Variants in APBB2 observed in about 807,000 individuals in gnomAD.
APBB2 encodes Fe65-like 1.
APBB2 carries 38 observed loss-of-function variants against 82.5 expected under a neutral mutation model. That is an observed-to-expected ratio of 0.46 (90% confidence interval 0.36 to 0.60). The LOEUF (loss-of-function observed/expected upper bound fraction) is 0.60, where lower values mean the gene tolerates loss of function less well. Among genes scored for constraint, APBB2 ranks in the 20% least tolerant of loss-of-function variants. The pLI is 0.00. For synonymous variants in APBB2, 341 were observed against 368.2 expected (o/e 0.93, Z 0.85); for missense variants, 772 against 972.3 (o/e 0.79, Z 2.74).
intron 3 of APBB2, among the ~76,000 whole-genome samples, chr4:41,067,411 C>CAA (rs1170369678): frequency 1.1e-4 from 12 of 107,964 alleles, no homozygotes; most frequent in Non-Finnish European, 1.3e-4. Flanking sequence ...AACTCCGTCT[C>CAA]AAAAAAAAAA....
intron 6 of APBB2, among the ~76,000 whole-genome samples, chr4:40,975,789 C>CACACACAG (rs1441223479): frequency 6.8e-6 from 1 of 147,710 alleles, no homozygotes; most frequent in Non-Finnish European, 1.5e-5. Flanking sequence ...CACACACACA[C>CACACACAG]AACAACCACT....
chr4:40,892,969 T>A (rs1772476618), intron 11 of APBB2: 3 of 257,988 alleles, frequency 1.2e-5, no homozygotes, highest in African/African-American at 6.6e-5. Context: ...CACTGGCACA[T>A]CCCATTTTGC....
intron 1 of APBB2, among the ~76,000 whole-genome samples, chr4:41,174,615 G>A (rs979931272): frequency 6.6e-6 from 1 of 152,158 alleles, no homozygotes; most frequent in Non-Finnish European, 1.5e-5. Flanking sequence ...AACATACAGA[G>A]CCATTAGACA....
intron 12 of APBB2, among the ~76,000 whole-genome samples, chr4:40,858,083 G>T (rs1290050132): frequency 2.6e-5 from 4 of 151,822 alleles, no homozygotes; most frequent in Non-Finnish European, 5.9e-5. Flanking sequence ...GATCCCACAG[G>T]CACCCCAACA....
chr4:41,152,487 C>T (rs913502934), intron 1 of APBB2, among the ~76,000 whole-genome samples: 11 of 151,918 alleles, frequency 7.2e-5, no homozygotes, highest in Non-Finnish European at 1.0e-4. Flanking sequence ...CAACCATGTC[C>T]GGCTAATTTT....
chr4:40,810,178 T>TTTAC lies in APBB2; in HGVS notation c.*5910_*5913dup. 6.6e-6 allele frequency: 1 copy of TTTAC among 152,366 alleles called. No homozygotes were observed. Among genetic ancestry groups the TTTAC allele is most frequent in the Admixed American group, 6.5e-5 (1 of 15,312 alleles). 9.4% of individuals were successfully genotyped at this position (152,366 alleles called of 1,614,324 possible). On this transcript the variant is annotated 3_prime_UTR_variant, in exon 18 of 18. Coordinates refer to ENST00000508593, the MANE Select transcript of APBB2 (RefSeq NM_004307.2). ...TCTACTTCAGCTCTGATATTCTATT[T>TTTAC]TTACTTTCTTACTTGAAGTGAGAAA...
chr4:41,018,503 C>T (rs1344497805), intron 5 of APBB2, among the ~76,000 whole-genome samples: 1 of 152,126 alleles, frequency 6.6e-6, no homozygotes, highest in Non-Finnish European at 1.5e-5. Context: ...GGCAGGGGTT[C>T]TTCTGAAGCA....
At chr4:40,990,624 C>T (rs943577800) in intron 6 of APBB2, among the ~76,000 whole-genome samples, 2 of 152,150 alleles carry the variant, frequency 1.3e-5, no homozygotes, top group African/African-American at 4.8e-5. Context: ...TTGTGGCAAG[C>T]TCATGGGGGA....
chr4:40,827,223 AG>A lies in APBB2; in HGVS notation c.1645-5del. 1.2e-6 allele frequency: 2 copies of A among 1,614,008 alleles called. No homozygotes were observed. Among genetic ancestry groups the A allele is most frequent in the Non-Finnish European group, 1.7e-6 (2 of 1,179,894 alleles). On this transcript the variant is annotated splice_region_variant and splice_polypyrimidine_tract_variant and intron_variant, in intron 13 of 17. Transcript: ENST00000508593. ...CATTCTTCCGTTCAGCCATAATCTA[AG>A]GGGGAAAAAGTGCAGCTTTGGAGCG...
intron 1 of APBB2, among the ~76,000 whole-genome samples, chr4:41,170,636 A>T (rs1767991029): frequency 6.6e-6 from 1 of 152,310 alleles, no homozygotes; most frequent in Middle Eastern, 3.4e-3. Context: ...GAAACAACCA[A>T]ATGCAACATC....
At chr4:41,080,466 G>C (rs10516997) in intron 3 of APBB2, among the ~76,000 whole-genome samples, 31,561 of 152,150 alleles carry the variant, frequency 0.21, 3,508 homozygotes, top group Middle Eastern at 0.25. Flanking sequence ...ACTGAGGACG[G>C]CTTTCATGAC....
At chr4:40,970,470 T>C (rs1560415823) in intron 6 of APBB2, among the ~76,000 whole-genome samples, 1 of 150,950 alleles carries the variant, frequency 6.6e-6, no homozygotes, top group African/African-American at 2.4e-5. Flanking sequence ...CCACTCCTCC[T>C]TTTTTTTTGA....
At chr4:40,934,398 A>C in intron 10 of APBB2, 58 bp downstream of exon 10, 1 of 1,526,652 alleles carries the variant, frequency 6.6e-7, no homozygotes, top group Non-Finnish European at 9.1e-7. Flanking sequence ...CAATGATCCA[A>C]AGTCATTATT....
intron 6 of APBB2, among the ~76,000 whole-genome samples, chr4:40,982,257 A>AGAAG (rs1463646563): frequency 6.2e-4 from 12 of 19,414 alleles, no homozygotes; most frequent in South Asian, 1.9e-3. Flanking sequence ...AAAGAAAGAA[A>AGAAG]GAAAGAAAGA....
chr4:40,983,600 C>A (rs187447898), intron 6 of APBB2, among the ~76,000 whole-genome samples: 5 of 150,102 alleles, frequency 3.3e-5, no homozygotes, highest in Non-Finnish European at 4.4e-5. Flanking sequence ...TTTTTAAAGA[C>A]GGAGTCTCAC....
intron 4 of APBB2, among the ~76,000 whole-genome samples, chr4:41,036,515 T>C (rs1719240231): frequency 6.6e-6 from 1 of 152,138 alleles, no homozygotes; most frequent in African/African-American, 2.4e-5. Context: ...CTTTAGTGAG[T>C]AAAAACACAT....
At chr4:41,169,009 A>AC (rs756966902) in intron 1 of APBB2, among the ~76,000 whole-genome samples, 49 of 151,982 alleles carry the variant, frequency 3.2e-4, no homozygotes, top group African/African-American at 1.0e-3. Flanking sequence ...AGGTAGTGAG[A>AC]CCCCGTCTCT....
chr4:41,123,696 G>A (rs894547042), intron 2 of APBB2, among the ~76,000 whole-genome samples: 1 of 152,060 alleles, frequency 6.6e-6, no homozygotes, highest in Non-Finnish European at 1.5e-5. Flanking sequence ...GGTGGCATGC[G>A]CCTGCAGTAC....
At chr4:41,101,219 C>T (rs971700891) in intron 2 of APBB2, among the ~76,000 whole-genome samples, 1 of 151,374 alleles carries the variant, frequency 6.6e-6, no homozygotes, top group Non-Finnish European at 1.5e-5. Flanking sequence ...AATCCCAGCA[C>T]TTTGGGAGGC....
Sources: allele counts gnomAD v4.1 joint callset (sites outside exome capture counted in the v4.1 genomes callset), GRCh38; gene constraint gnomAD v4.1.1; transcripts MANE v1.5; gene names NCBI Gene and HGNC (gene_info 2026-07-23, HGNC 2026-07-21).